The following SENP7 variants were observed in gnomAD, a reference collection of about 807,000 sequenced individuals.
SENP7 encodes the protein sentrin-specific protease 7.
A neutral mutation model predicts 141.2 loss-of-function variants in SENP7; 64 were observed. The ratio of observed to expected loss-of-function variants is 0.45; its 90% CI spans 0.37 to 0.56. The LOEUF is 0.56. SENP7 is among the 20% of genes least tolerant of loss of function. SENP7 has a pLI of 0.00. For missense variants in SENP7, 1,025 were observed against 1,212.2 expected (o/e 0.85, Z 2.29); for synonymous variants, 382 against 426.4 (o/e 0.90, Z 1.28).
At chr3:101,510,118 A>C (rs913278265) in intron 1 of SENP7, among the ~76,000 whole-genome samples, 2 of 152,176 alleles carry the variant, frequency 1.3e-5, no homozygotes, top group Admixed American at 1.3e-4. Context: ...CTATGATTCT[A>C]ATTTATCTGT....
chr3:101,396,038 C>T (rs1028167121), intron 6 of SENP7, among the ~76,000 whole-genome samples: 3 of 152,106 alleles, frequency 2.0e-5, no homozygotes, highest in Admixed American at 2.0e-4. Flanking sequence ...GAAACCTGTC[C>T]AAGGTAAGTC....
chr3:101,329,647 T>C (rs2107193300), intron 20 of SENP7, among the ~76,000 whole-genome samples: 1 of 151,762 alleles, frequency 6.6e-6, no homozygotes, highest in South Asian at 2.1e-4. Context: ...TTTTTACCAA[T>C]AATTTTCTGG....
intron 4 of SENP7, chr3:101,457,351 T>G (rs1286927853): frequency 1.0e-5 from 14 of 1,399,994 alleles, no homozygotes; most frequent in Non-Finnish European, 1.4e-5. Flanking sequence ...ATGGATTGTT[T>G]GGGCAAAGCT....
At chr3:101,414,143 C>A (rs1327923292) in intron 5 of SENP7, 1 of 497,310 alleles carries the variant, frequency 2.0e-6, no homozygotes. Context: ...AGATGGAGAA[C>A]AGATCCTTTA....
chr3:101,467,454 G>A (rs1000555725), intron 3 of SENP7, among the ~76,000 whole-genome samples: 1 of 152,180 alleles, frequency 6.6e-6, no homozygotes, highest in Non-Finnish European at 1.5e-5. Context: ...ACCTCATATA[G>A]GTGGCTGCCC....
rs760220055 is a variant in SENP7 at position 101,366,650 on chromosome 3, A to G, written c.1098T>C (p.Thr366=). The change falls in exon 9 of 24, where the codon ACT becomes ACC. Residue 366 remains threonine (T), a synonymous_variant. Coordinates refer to ENST00000394095, the MANE Select transcript of SENP7 (RefSeq NM_020654.5). ...CCTGACTGTTAAGTGAGGATAGTTT[A>G]GTAAAATCACTTTTTGTAGGTTTAG... ...ITTKPTKSDF[T]KLSSLNSQEL... The G allele has an allele frequency of 6.2e-7, 1 of 1,613,942 alleles. No individual in the cohort carries two copies. The highest frequency in any genetic ancestry group is 2.2e-5 in the East Asian group (1 of 44,868).
intron 3 of SENP7, among the ~76,000 whole-genome samples, chr3:101,465,608 C>A: frequency 6.6e-6 from 1 of 151,854 alleles, no homozygotes; most frequent in East Asian, 1.9e-4. Context: ...ATCAGACAAA[C>A]CACTTCACAG....
chr3:101,476,370 T>G (rs188661396), intron 3 of SENP7, among the ~76,000 whole-genome samples: 42 of 152,154 alleles, frequency 2.8e-4, no homozygotes, highest in South Asian at 4.1e-4. Flanking sequence ...TGTTCCTGTG[T>G]TAGTTTGCTG....
At position 101,493,084 on chromosome 3, in the gene SENP7, A is replaced by T. The variant is rs138424239; in HGVS notation, c.186+789T>A. Among the ~76,000 whole-genome samples the T allele has an allele frequency of 9.2e-5, 14 of 152,306 alleles. No individual in the cohort carries two copies. In the East Asian group the frequency reaches 2.7e-3, roughly 29 times the overall value. ...TGCAGCCATAAAAAAGAATGAGATC[A>T]TGTCCTTTGCATGGATGAAGCTGGA... On this transcript the variant is annotated intron_variant, in intron 3 of 23. Coordinates refer to ENST00000394095, the MANE Select transcript of SENP7 (RefSeq NM_020654.5).
At chr3:101,512,049 T>C (rs1431330179) in intron 1 of SENP7, among the ~76,000 whole-genome samples, 1 of 152,178 alleles carries the variant, frequency 6.6e-6, no homozygotes, top group Non-Finnish European at 1.5e-5. Flanking sequence ...CTCGATCTCC[T>C]GACTTTGTGA....
chr3:101,345,889 G>A (rs1031748167), intron 13 of SENP7, among the ~76,000 whole-genome samples: 2 of 152,088 alleles, frequency 1.3e-5, no homozygotes, highest in African/African-American at 2.4e-5. Flanking sequence ...ACCCAAAAGC[G>A]AATGCAACCA....
At chr3:101,344,412 TC>T (rs2059401980) in intron 13 of SENP7, among the ~76,000 whole-genome samples, 1 of 152,156 alleles carries the variant, frequency 6.6e-6, no homozygotes, top group African/African-American at 2.4e-5. Flanking sequence ...GTTTCTATTT[TC>T]CCCACCTTCT....
At chr3:101,438,183 A>T (rs2062463768) in intron 4 of SENP7, among the ~76,000 whole-genome samples, 1 of 152,252 alleles carries the variant, frequency 6.6e-6, no homozygotes, top group African/African-American at 2.4e-5. Context: ...AAAGTAAACC[A>T]AGTGCCCACA....
At chr3:101,365,107 A>G in intron 9 of SENP7, 116 bp from the exon 10 acceptor site, 1 of 549,796 alleles carries the variant, frequency 1.8e-6, no homozygotes, top group Non-Finnish European at 2.8e-6. Flanking sequence ...GGCTCAGGCA[A>G]TTCTCCTACC....
intron 4 of SENP7, among the ~76,000 whole-genome samples, chr3:101,450,792 C>A (rs2063101833): frequency 6.6e-6 from 1 of 152,024 alleles, no homozygotes; most frequent in African/African-American, 2.4e-5. Context: ...CCTGACATCA[C>A]AATTAAAAGA....
intron 9 of SENP7, among the ~76,000 whole-genome samples, chr3:101,365,271 G>A (rs1458812639): frequency 1.3e-5 from 2 of 151,764 alleles, no homozygotes; most frequent in East Asian, 2.0e-4. Flanking sequence ...CCAAAGTGCT[G>A]GGATTATAGG....
chr3:101,474,954 C>T (rs2064156817), intron 3 of SENP7, among the ~76,000 whole-genome samples: 1 of 152,156 alleles, frequency 6.6e-6, no homozygotes, highest in Non-Finnish European at 1.5e-5. Context: ...CAAGACCCAA[C>T]AGAATGCTGC....
At chr3:101,410,241 C>T (rs1468889684) in intron 5 of SENP7, among the ~76,000 whole-genome samples, 2 of 152,064 alleles carry the variant, frequency 1.3e-5, no homozygotes, top group African/African-American at 4.8e-5. Context: ...TGCGGTACCA[C>T]CTTATTCCTG....
At position 101,359,503 on chromosome 3, in the gene SENP7, C is replaced by T. The variant is rs79271730; in HGVS notation, c.1623+2212G>A. 7.1e-4 allele frequency among the ~76,000 whole-genome samples: 108 copies of T among 151,684 alleles called. 3 individuals carry two copies. The East Asian group carries it at 0.014, about 20-fold the overall frequency. On this transcript the variant is annotated intron_variant, in intron 11 of 23. Transcript: ENST00000394095. ...TTCTTTCTTTCTCTTGCCTGATGGCCCTGGCCAGGACTTCTGACAATTAAT... is the reference window on the plus strand; with the variant it reads ...TTCTTTCTTTCTCTTGCCTGATGGCTCTGGCCAGGACTTCTGACAATTAAT...
Sources: gnomAD v4.1 joint callset for allele counts (sites outside exome capture counted in the v4.1 genomes callset) on GRCh38, gnomAD v4.1.1 for gene constraint, MANE v1.5 for transcripts, NCBI Gene and HGNC (gene_info 2026-07-23, HGNC 2026-07-21) for gene names.